GALNTL6: variants seen among roughly 807,000 people sequenced by gnomAD.
The protein encoded by GALNTL6 is polypeptide N-acetylgalactosaminyltransferase-like 6.
In GALNTL6, 46 loss-of-function variants were observed where a neutral mutation model predicts 73.7. That is an observed-to-expected ratio of 0.62 (90% CI 0.49 to 0.80). The LOEUF is 0.80. GALNTL6 is among the 30% of genes least tolerant of loss of function. The probability of loss-of-function intolerance (pLI) is 0.00; values close to 1 mark genes in which losing one functional copy is unlikely to be tolerated. For synonymous variants in GALNTL6, 259 were observed against 263.7 expected (o/e 0.98, Z 0.17); for missense variants, 604 against 755.0 (o/e 0.80, Z 2.34).
intron 4 of GALNTL6, among the ~76,000 whole-genome samples, chr4:172,316,852 A>G (rs916886973): frequency 6.6e-6 from 1 of 152,228 alleles, no homozygotes; most frequent in Admixed American, 6.5e-5. Flanking sequence ...AGCATAATCA[A>G]AATTGTCAAA....
intron 2 of GALNTL6, among the ~76,000 whole-genome samples, chr4:171,969,834 A>G (rs1739508221): frequency 6.6e-6 from 1 of 151,686 alleles, no homozygotes; most frequent in African/African-American, 2.4e-5. Context: ...CAGTGGCACA[A>G]TCTCTGCCCA....
intron 5 of GALNTL6, among the ~76,000 whole-genome samples, chr4:172,678,162 C>T (rs994632830): frequency 6.6e-6 from 1 of 152,174 alleles, no homozygotes; most frequent in Non-Finnish European, 1.5e-5. Context: ...CTGAGGCCTA[C>T]AGGGCGATTT....
chr4:172,080,921 T>A (rs2076820873), intron 2 of GALNTL6, among the ~76,000 whole-genome samples: 1 of 152,182 alleles, frequency 6.6e-6, no homozygotes, highest in Admixed American at 6.5e-5. Flanking sequence ...TACTTCTACA[T>A]GTCAATAGCA....
At chr4:172,559,226 A>G (rs890279364) in intron 5 of GALNTL6, among the ~76,000 whole-genome samples, 5 of 151,440 alleles carry the variant, frequency 3.3e-5, no homozygotes, top group Non-Finnish European at 7.4e-5. Flanking sequence ...CACCACGCCC[A>G]GCTAATTTTT....
intron 2 of GALNTL6, among the ~76,000 whole-genome samples, chr4:172,205,449 C>T (rs1051024539): frequency 6.6e-5 from 10 of 152,164 alleles, no homozygotes; most frequent in South Asian, 2.1e-4. Context: ...GTGTCCTGAG[C>T]GACTTAAAAG....
chr4:171,893,115 G>A (rs566783280), intron 2 of GALNTL6, among the ~76,000 whole-genome samples: 1 of 152,268 alleles, frequency 6.6e-6, no homozygotes, highest in African/African-American at 2.4e-5. Context: ...TTGATGTTGA[G>A]GTCTTTCCTC....
At chr4:172,712,241 C>A (rs994221482) in intron 5 of GALNTL6, among the ~76,000 whole-genome samples, 1 of 152,090 alleles carries the variant, frequency 6.6e-6, no homozygotes, top group South Asian at 2.1e-4. Flanking sequence ...ATTTATGTAA[C>A]AATGTACTAT....
At chr4:171,919,558 A>G (rs978563146) in intron 2 of GALNTL6, among the ~76,000 whole-genome samples, 6 of 152,048 alleles carry the variant, frequency 3.9e-5, no homozygotes, top group Admixed American at 3.3e-4. Context: ...ATTGACCACC[A>G]CTTCCTCTTA....
At chr4:172,251,611 G>C (rs766338499) in intron 3 of GALNTL6, among the ~76,000 whole-genome samples, 1 of 152,118 alleles carries the variant, frequency 6.6e-6, no homozygotes, top group Non-Finnish European at 1.5e-5. Flanking sequence ...GGACAGAGGG[G>C]CTTCCTACTG....
At chr4:172,048,897 A>T (rs1281548452) in intron 2 of GALNTL6, among the ~76,000 whole-genome samples, 1 of 152,166 alleles carries the variant, frequency 6.6e-6, no homozygotes, top group Non-Finnish European at 1.5e-5. Flanking sequence ...TTGTATGCTT[A>T]GTCTCTGCCC....
chr4:172,878,207 T>C (rs1397123588), intron 7 of GALNTL6, among the ~76,000 whole-genome samples: 3 of 151,926 alleles, frequency 2.0e-5, no homozygotes, highest in Admixed American at 6.6e-5. Context: ...CACTGCACAA[T>C]AGTTAACTCC....
chr4:172,089,704 A>C (rs1044507837), intron 2 of GALNTL6, among the ~76,000 whole-genome samples: 5 of 152,202 alleles, frequency 3.3e-5, no homozygotes, highest in African/African-American at 7.2e-5. Flanking sequence ...TTATTTCTTT[A>C]TTTATTTGTA....
At chr4:172,437,118 A>G (rs1005780547) in intron 5 of GALNTL6, among the ~76,000 whole-genome samples, 4 of 152,126 alleles carry the variant, frequency 2.6e-5, no homozygotes, top group African/African-American at 7.2e-5. Flanking sequence ...TCCAGTCAAT[A>G]TAACTCTCCA....
intron 7 of GALNTL6, among the ~76,000 whole-genome samples, chr4:172,831,303 GTAA>G (rs1422445059): frequency 6.6e-6 from 1 of 151,850 alleles, no homozygotes; most frequent in Non-Finnish European, 1.5e-5. Context: ...CCCAAGCACA[GTAA>G]TAGATGAGGA....
In GALNTL6 at chr4:172,883,498, C is replaced by T. The variant is rs115637435; in HGVS notation, c.1041+591C>T. On this transcript the variant is annotated intron_variant, in intron 8 of 12. Coordinates refer to ENST00000506823, the MANE Select transcript of GALNTL6 (RefSeq NM_001034845.3). ...ACATGGTGAAAGCAAAAGCAAGAGA[C>T]GCAGGGGTGAGCTGCCACACACTTT... is the stretch of plus-strand genomic sequence containing the variant. Among the ~76,000 whole-genome samples, 1,045 of 152,214 alleles carry T rather than the reference C, an allele frequency of 6.9e-3. 4 individuals carry two copies. The highest frequency in any genetic ancestry group is 0.011 in the Non-Finnish European group (748 of 68,014).
chr4:172,514,175 T>C (rs1282057997), intron 5 of GALNTL6, among the ~76,000 whole-genome samples: 1 of 152,154 alleles, frequency 6.6e-6, no homozygotes, highest in Non-Finnish European at 1.5e-5. Flanking sequence ...CCCAAGAGAT[T>C]ATGTCTTTTG....
intron 5 of GALNTL6, among the ~76,000 whole-genome samples, chr4:172,678,489 G>T (rs1253792011): frequency 3.3e-5 from 5 of 152,148 alleles, no homozygotes; most frequent in Admixed American, 3.3e-4. Flanking sequence ...GGGATTACAG[G>T]CATGCGCCAC....
chr4:172,479,077 A>T (rs1733345189), intron 5 of GALNTL6, among the ~76,000 whole-genome samples: 2 of 152,240 alleles, frequency 1.3e-5, no homozygotes, highest in Admixed American at 1.3e-4. Context: ...AATGTGAATT[A>T]GTACAGCCTC....
intron 2 of GALNTL6, among the ~76,000 whole-genome samples, chr4:171,897,729 C>A (rs577129329): frequency 6.6e-6 from 1 of 151,450 alleles, no homozygotes; most frequent in East Asian, 2.0e-4. Flanking sequence ...CGGCTCACTG[C>A]AAGCTCCGCC....
Sources: gnomAD v4.1 joint callset for allele counts (sites outside exome capture counted in the v4.1 genomes callset) on GRCh38, gnomAD v4.1.1 for gene constraint, MANE v1.5 for transcripts, NCBI Gene and HGNC (gene_info 2026-07-23, HGNC 2026-07-21) for gene names.